KCTD8: variants seen among roughly 807,000 people sequenced by gnomAD.
The protein encoded by KCTD8 is potassium channel tetramerization domain containing 8, also known as BTB/POZ domain-containing protein KCTD8.
A neutral mutation model predicts 31.5 loss-of-function variants in KCTD8; 27 were observed. That is an observed-to-expected ratio of 0.86 (90% CI 0.63 to 1.18). The LOEUF (loss-of-function observed/expected upper bound fraction) is 1.18, where lower values mean the gene tolerates loss of function less well. Among genes scored for constraint, KCTD8 ranks in the 50% most tolerant of loss-of-function variants. KCTD8 has a pLI of 0.00. For missense variants in KCTD8, 658 were observed against 647.7 expected (o/e 1.02, Z -0.17); for synonymous variants, 290 against 280.0 (o/e 1.04, Z -0.36).
chr4:44,230,695 C>A (rs775073661), intron 1 of KCTD8, among the ~76,000 whole-genome samples: 9 of 152,212 alleles, frequency 5.9e-5, no homozygotes, highest in Non-Finnish European at 1.3e-4. Context: ...CTCAGGGCCT[C>A]TCAGCTAGCA....
intron 1 of KCTD8, among the ~76,000 whole-genome samples, chr4:44,312,569 C>T (rs1717986963): frequency 6.6e-6 from 1 of 152,184 alleles, no homozygotes; most frequent in South Asian, 2.1e-4. Flanking sequence ...CTTCTGTATA[C>T]ACACTGATGC....
intron 1 of KCTD8, among the ~76,000 whole-genome samples, chr4:44,446,500 C>G (rs369232613): frequency 6.6e-6 from 1 of 152,154 alleles, no homozygotes; most frequent in Non-Finnish European, 1.5e-5. Context: ...TTCATAAACG[C>G]CACTGAGAAT....
chr4:44,427,348 A>G (rs1442830689), intron 1 of KCTD8, among the ~76,000 whole-genome samples: 1 of 151,428 alleles, frequency 6.6e-6, no homozygotes, highest in African/African-American at 2.4e-5. Flanking sequence ...GCAATATTAG[A>G]TATGCTTTGG....
At chr4:44,194,859 C>G (rs1713890458) in intron 1 of KCTD8, among the ~76,000 whole-genome samples, 1 of 132,064 alleles carries the variant, frequency 7.6e-6, no homozygotes, top group Admixed American at 7.8e-5. Context: ...CTTTCACTCT[C>G]TCTCTTTTTT....
chr4:44,262,092 T>A (rs1716198407), intron 1 of KCTD8, among the ~76,000 whole-genome samples: 1 of 151,980 alleles, frequency 6.6e-6, no homozygotes, highest in Non-Finnish European at 1.5e-5. Flanking sequence ...AAGAAAGTAA[T>A]TCAAGAAAAA....
At chr4:44,379,487 T>C (rs1720004359) in intron 1 of KCTD8, among the ~76,000 whole-genome samples, 1 of 152,060 alleles carries the variant, frequency 6.6e-6, no homozygotes, top group South Asian at 2.1e-4. Context: ...GGAAGCTCTG[T>C]TTATTTAATT....
chr4:44,391,053 T>A (rs1413222551), intron 1 of KCTD8, among the ~76,000 whole-genome samples: 3 of 151,968 alleles, frequency 2.0e-5, no homozygotes, highest in Non-Finnish European at 4.4e-5. Flanking sequence ...TAGAAACCAT[T>A]ATTCTAAGTG....
rs764817862 is a variant in KCTD8, at chr4:44,447,866, C to A, written c.658G>T (p.Val220Leu). The change falls in exon 1 of 2, where the codon GTG becomes TTG. Residue 220 changes from valine to leucine, a missense_variant. Val to Leu is a conservative substitution (Grantham distance 32). Transcript: ENST00000360029. ...TLGYRGSYTT[V>L]RDNQADAKFR... is the part of the protein sequence containing the mutation. The stretch of plus-strand genomic sequence containing the variant: ...TTGGCGTCGGCCTGGTTGTCGCGCA[C>A]GGTGGTGTAGGAGCCCCGGTAGCCC... 3 of 1,569,698 alleles carry A rather than the reference C, an allele frequency of 1.9e-6. No individual in the cohort carries two copies. The highest frequency in any genetic ancestry group is 2.7e-5 in the African/African-American group (2 of 73,772).
chr4:44,314,513 C>T (rs1224391179), intron 1 of KCTD8, among the ~76,000 whole-genome samples: 2 of 152,086 alleles, frequency 1.3e-5, no homozygotes, highest in African/African-American at 4.8e-5. Flanking sequence ...GCTCCTTATA[C>T]TATGATCCAA....
chr4:44,233,058 CTT>C (rs1715171967), intron 1 of KCTD8, among the ~76,000 whole-genome samples: 1 of 151,740 alleles, frequency 6.6e-6, no homozygotes, highest in South Asian at 2.1e-4. Context: ...AAACTGATAA[CTT>C]TGCTAATATT....
At chr4:44,340,362 G>A (rs1014420365) in intron 1 of KCTD8, among the ~76,000 whole-genome samples, 1 of 151,350 alleles carries the variant, frequency 6.6e-6, no homozygotes, top group Non-Finnish European at 1.5e-5. Flanking sequence ...GCAGTGGAGC[G>A]ATCTTGGCTC....
chr4:44,353,411 A>G (rs1719264250), intron 1 of KCTD8, among the ~76,000 whole-genome samples: 1 of 152,072 alleles, frequency 6.6e-6, no homozygotes, highest in Admixed American at 6.6e-5. Flanking sequence ...TACAATGTGT[A>G]ATGATTAAAT....
Position 44,435,466 on chromosome 4 carries a change from T to G in KCTD8, c.961+12097A>C, listed in dbSNP as rs142523914. On this transcript the variant is annotated intron_variant, in intron 1 of 1. Transcript: ENST00000360029. ...TTCAAAATTATACACTTCAACAATA[T>G]AAATATTCTCCAGGTATTTTTTATT... is the stretch of plus-strand genomic sequence containing the variant. Among the ~76,000 whole-genome samples, 554 of 151,980 alleles carry G rather than the reference T, an allele frequency of 3.6e-3. 2 individuals carry two copies. The highest frequency in any genetic ancestry group is 0.013 in the African/African-American group (528 of 41,374).
At chr4:44,311,747 A>G (rs1369840533) in intron 1 of KCTD8, among the ~76,000 whole-genome samples, 1 of 151,850 alleles carries the variant, frequency 6.6e-6, no homozygotes, top group African/African-American at 2.4e-5. Flanking sequence ...AAAATGCCAA[A>G]TTAATTTATT....
intron 1 of KCTD8, among the ~76,000 whole-genome samples, chr4:44,308,046 C>T (rs537266799): frequency 3.9e-5 from 6 of 152,086 alleles, no homozygotes; most frequent in African/African-American, 1.2e-4. Flanking sequence ...TATCCCTTAT[C>T]TATTTTTCAT....
rs189982388 is a variant in KCTD8, at chr4:44,229,310, T to C, written c.962-54060A>G. ...GTGCCAGGGAGAGGCTATTTCCTGG[T>C]GGTCCACACCTGTCGTGCTAAAGTG... On this transcript the variant is annotated intron_variant, in intron 1 of 1. Coordinates refer to ENST00000360029, the MANE Select transcript of KCTD8 (RefSeq NM_198353.3). Among the ~76,000 whole-genome samples, 419 of 152,296 alleles carry C rather than the reference T, an allele frequency of 2.8e-3. 5 individuals carry two copies. The highest frequency in any genetic ancestry group is 2.5e-4 in the Non-Finnish European group (17 of 68,022).
intron 1 of KCTD8, among the ~76,000 whole-genome samples, chr4:44,346,715 C>G (rs1181812894): frequency 2.0e-5 from 3 of 152,072 alleles, no homozygotes; most frequent in Admixed American, 6.5e-5. Flanking sequence ...GGTGACTGAC[C>G]CTTCTTACTT....
chr4:44,276,757 T>A (rs988330622), intron 1 of KCTD8, among the ~76,000 whole-genome samples: 2 of 152,002 alleles, frequency 1.3e-5, no homozygotes, highest in Admixed American at 6.6e-5. Context: ...TCAGCTTAAA[T>A]AAAGTTCACA....
intron 1 of KCTD8, among the ~76,000 whole-genome samples, chr4:44,420,766 A>G (rs1238304898): frequency 6.6e-6 from 1 of 152,190 alleles, no homozygotes; most frequent in East Asian, 1.9e-4. Context: ...TAAAATAATC[A>G]TTCCTAATAG....
Sources: allele counts gnomAD v4.1 joint callset (sites outside exome capture counted in the v4.1 genomes callset), GRCh38; gene constraint gnomAD v4.1.1; transcripts MANE v1.5; gene names NCBI Gene and HGNC (gene_info 2026-07-23, HGNC 2026-07-21).